The following SMIM13 variants were observed in gnomAD, a reference collection of about 807,000 sequenced individuals.
SMIM13 encodes the protein UPF0766 protein C6orf228.
A neutral mutation model predicts 5.9 loss-of-function variants in SMIM13; 3 were observed. That is an observed-to-expected ratio of 0.51 (90% CI 0.23 to 1.31). The LOEUF is 1.31. Ranked by LOEUF, SMIM13 falls within the 40% of genes most tolerant of loss-of-function variation. The probability of loss-of-function intolerance (pLI) is 0.18; values close to 1 mark genes in which losing one functional copy is unlikely to be tolerated. For synonymous variants in SMIM13, 55 were observed against 46.0 expected, an observed-to-expected ratio of 1.19 and a Z score of -0.79; for missense variants, 85 against 109.9, an observed-to-expected ratio of 0.77 and a Z score of 1.01.
chr6:11,104,702 T>A, intron 1 of SMIM13: 7 of 1,614,210 alleles, frequency 4.3e-6, no homozygotes, highest in Non-Finnish European at 5.9e-6. Context: ...ACCAGAAGTT[T>A]CGAGTACTGC....
chr6:11,114,485 C>T (rs1452823604), intron 1 of SMIM13, among the ~76,000 whole-genome samples: 1 of 133,932 alleles, frequency 7.5e-6, no homozygotes, highest in Non-Finnish European at 1.6e-5. Context: ...AACTTCCCCT[C>T]TGTTTCTACT....
At chr6:11,134,327 C>T in intron 1 of SMIM13, 76 bp from the exon 2 acceptor site, 2 of 989,564 alleles carry the variant, frequency 2.0e-6, no homozygotes, top group Admixed American at 2.6e-5. Context: ...TAATATACCC[C>T]CCATTAACTG....
intron 1 of SMIM13, among the ~76,000 whole-genome samples, chr6:11,110,811 G>C (rs560619515): frequency 2.0e-5 from 3 of 152,272 alleles, no homozygotes; most frequent in African/African-American, 7.2e-5. Flanking sequence ...TGGTGTTTGG[G>C]ATAAGACCCT....
chr6:11,121,937 A>G (rs1378388263), intron 1 of SMIM13, among the ~76,000 whole-genome samples: 1 of 152,144 alleles, frequency 6.6e-6, no homozygotes, highest in East Asian at 1.9e-4. Flanking sequence ...TCACTAGTAA[A>G]TACTGATTTT....
chr6:11,094,479 A>AG, intron 1 of SMIM13, 90 bp downstream of exon 1: 1 of 1,057,280 alleles, frequency 9.5e-7, no homozygotes, highest in South Asian at 1.4e-5. Flanking sequence ...TTTGAAAAAA[A>AG]CAAAAGGGCG....
Position 11,134,660 on chromosome 6 carries a change from G to A in SMIM13, c.*58G>A, listed in dbSNP as rs974195710. The A allele has an allele frequency of 9.0e-5, 114 of 1,265,076 alleles. No individual in the cohort carries two copies. The highest frequency in any genetic ancestry group is 2.8e-4 in the Middle Eastern group (1 of 3,516). The allele number at this position is 1,265,076 out of a possible 1,614,324, so 78.4% of individuals were successfully genotyped here. ...CCAGCTTCTGTCTTTTACTGACTTC[G>A]CTTTGAAATTTACTAATGACTGAAG... is the stretch of plus-strand genomic sequence containing the variant. On this transcript the variant is annotated 3_prime_UTR_variant, in exon 2 of 2. Transcript: ENST00000416247.
Position 11,101,115 on chromosome 6 carries a change from T to C in SMIM13, c.76+6726T>C, listed in dbSNP as rs149919078. 9.8e-3 allele frequency among the ~76,000 whole-genome samples: 1,492 copies of C among 152,216 alleles called. 14 individuals are homozygous for C. The highest frequency in any genetic ancestry group is 0.016 in the Non-Finnish European group (1,083 of 67,996). On this transcript the variant is annotated intron_variant, in intron 1 of 1. Coordinates refer to ENST00000416247, the MANE Select transcript of SMIM13 (RefSeq NM_001135575.2). Reference sequence around the variant, plus strand: ...TTGGGTTGATTCTTTAATTTTATCTTTTTATCTCCTAATTCCCTCCTCCCC... The same window carrying C: ...TTGGGTTGATTCTTTAATTTTATCTCTTTATCTCCTAATTCCCTCCTCCCC...
Position 11,113,344 on chromosome 6 carries a change from C to G in SMIM13, c.76+18955C>G, listed in dbSNP as rs113986741. Among the ~76,000 whole-genome samples the G allele has an allele frequency of 1.7e-3, 260 of 152,254 alleles. 1 individual carries two copies. The highest frequency in any genetic ancestry group is 6.0e-3 in the African/African-American group (251 of 41,558). ...GCCATTCTAGAGGATGGGTATTATG[C>G]TTTTGATTTTTGTTTCATTAATGAC... On this transcript the variant is annotated intron_variant, in intron 1 of 1. Coordinates refer to ENST00000416247, the MANE Select transcript of SMIM13 (RefSeq NM_001135575.2).
intron 1 of SMIM13, among the ~76,000 whole-genome samples, chr6:11,131,054 T>C (rs1758445428): frequency 1.3e-5 from 2 of 152,198 alleles, no homozygotes; most frequent in African/African-American, 4.8e-5. Context: ...AGTGAGTTCT[T>C]GTAATATTAC....
At chr6:11,117,842 C>T (rs773986466) in intron 1 of SMIM13, among the ~76,000 whole-genome samples, 7 of 152,010 alleles carry the variant, frequency 4.6e-5, no homozygotes, top group African/African-American at 9.7e-5. Flanking sequence ...CTCCGCCTCC[C>T]GGATTCAAGC....
At chr6:11,126,080 C>T (rs753760293) in intron 1 of SMIM13, among the ~76,000 whole-genome samples, 10 of 152,132 alleles carry the variant, frequency 6.6e-5, no homozygotes, top group African/African-American at 9.7e-5. Context: ...GATGGAGTCT[C>T]GCTCTGTTGC....
chr6:11,121,102 C>G (rs987373427), intron 1 of SMIM13, among the ~76,000 whole-genome samples: 1 of 152,216 alleles, frequency 6.6e-6, no homozygotes, highest in Non-Finnish European at 1.5e-5. Flanking sequence ...TACACACCCT[C>G]TATTGCTGAT....
chr6:11,130,498 G>T (rs1758439934), intron 1 of SMIM13, among the ~76,000 whole-genome samples: 1 of 152,158 alleles, frequency 6.6e-6, no homozygotes, highest in South Asian at 2.1e-4. Context: ...AATTACAGCA[G>T]TGTGGAATTG....
At chr6:11,129,786 A>G (rs938091322) in intron 1 of SMIM13, among the ~76,000 whole-genome samples, 1 of 152,026 alleles carries the variant, frequency 6.6e-6, no homozygotes, top group African/African-American at 2.4e-5. Flanking sequence ...TATTATTGTC[A>G]TATCTAACAT....
At chr6:11,107,974 G>A (rs1758111853) in intron 1 of SMIM13, among the ~76,000 whole-genome samples, 1 of 152,176 alleles carries the variant, frequency 6.6e-6, no homozygotes, top group Non-Finnish European at 1.5e-5. Flanking sequence ...CCAGACCTCT[G>A]GATAAATGGG....
chr6:11,094,253 C>A lies in SMIM13; in HGVS notation c.-61C>A. 9.2e-7 allele frequency: 1 copy of A among 1,092,838 alleles called. No homozygotes were observed. Among genetic ancestry groups the A allele is most frequent in the East Asian group, 4.1e-5 (1 of 24,582 alleles). 67.7% of individuals were successfully genotyped at this position (1,092,838 alleles called of 1,614,324 possible). ...GCCGCTGAAGCGCAGGACGCGCCGCCGCCCGCGCTCACCGCCGTCCGCGCC... is the reference window on the plus strand; with the variant it reads ...GCCGCTGAAGCGCAGGACGCGCCGCAGCCCGCGCTCACCGCCGTCCGCGCC... On this transcript the variant is annotated 5_prime_UTR_variant, in exon 1 of 2. Coordinates refer to ENST00000416247, the MANE Select transcript of SMIM13 (RefSeq NM_001135575.2).
intron 1 of SMIM13, chr6:11,105,477 T>C (rs1758071954): frequency 3.3e-6 from 2 of 600,996 alleles, no homozygotes; most frequent in East Asian, 2.8e-5. Flanking sequence ...GCATTACTTA[T>C]CTTTTTGTTT....
At chr6:11,104,819 G>A (rs949485572) in intron 1 of SMIM13, 1 of 1,614,238 alleles carries the variant, frequency 6.2e-7, no homozygotes, top group Admixed American at 1.7e-5. Flanking sequence ...GGCGGAATTG[G>A]TTGTGGGTGT....
chr6:11,118,973 A>G (rs973693643), intron 1 of SMIM13, among the ~76,000 whole-genome samples: 10 of 152,246 alleles, frequency 6.6e-5, no homozygotes, highest in Non-Finnish European at 1.2e-4. Context: ...AGAACATTGC[A>G]GTCTAACATG....
Sources: gnomAD v4.1 joint callset for allele counts (sites outside exome capture counted in the v4.1 genomes callset) on GRCh38, gnomAD v4.1.1 for gene constraint, MANE v1.5 for transcripts, NCBI Gene and HGNC (gene_info 2026-07-23, HGNC 2026-07-21) for gene names.